Variants in ZNF573 observed in about 807,000 individuals in gnomAD.
ZNF573 encodes the protein zinc finger protein 573.
In ZNF573, 41 loss-of-function variants were observed where a neutral mutation model predicts 57.4. The ratio of observed to expected loss-of-function variants is 0.71; its 90% CI spans 0.56 to 0.93. The LOEUF is 0.93. Ranked by LOEUF, ZNF573 falls within the 40% of genes least tolerant of loss-of-function variation. ZNF573 has a pLI of 0.00. For missense variants in ZNF573, 730 were observed against 794.8 expected (o/e 0.92, Z 0.98); for synonymous variants, 249 against 261.0 (o/e 0.95, Z 0.44).
intron 3 of ZNF573, 164 bp from the exon 4 acceptor site, chr19:37,770,261 C>T: frequency 1.7e-6 from 1 of 580,628 alleles, no homozygotes; most frequent in Non-Finnish European, 3.0e-6. Context: ...TTAATGTAAA[C>T]TCATACACGC....
chr19:37,774,572 T>C (rs2045690614), intron 1 of ZNF573, among the ~76,000 whole-genome samples: 1 of 152,142 alleles, frequency 6.6e-6, no homozygotes, highest in East Asian at 1.9e-4. Flanking sequence ...AAATACAAAA[T>C]ATACATGTAA....
At chr19:37,755,012 C>T (rs2045474039) in intron 4 of ZNF573, among the ~76,000 whole-genome samples, 1 of 152,066 alleles carries the variant, frequency 6.6e-6, no homozygotes, top group Admixed American at 6.5e-5. Flanking sequence ...CTCTGTCTCC[C>T]AGGCTGGAGT....
chr19:37,764,956 A>C (rs1244776296), intron 4 of ZNF573, among the ~76,000 whole-genome samples: 1 of 128,052 alleles, frequency 7.8e-6, no homozygotes, highest in Non-Finnish European at 1.5e-5. Context: ...CCTAGGCTGG[A>C]GTGCAGTGGC....
At chr19:37,777,807 G>A (rs1274375715) in intron 1 of ZNF573, among the ~76,000 whole-genome samples, 3 of 150,740 alleles carry the variant, frequency 2.0e-5, no homozygotes, top group Non-Finnish European at 4.4e-5. Context: ...AGGCCGAGGC[G>A]GGCAGATCAC....
intron 1 of ZNF573, among the ~76,000 whole-genome samples, chr19:37,776,249 C>T (rs1568425832): frequency 6.6e-6 from 1 of 152,038 alleles, no homozygotes; most frequent in African/African-American, 2.4e-5. Context: ...ACAAGACAAT[C>T]GTTACCAAAA....
chr19:37,753,372 T>C (rs1371967296), intron 4 of ZNF573, among the ~76,000 whole-genome samples: 1 of 152,118 alleles, frequency 6.6e-6, no homozygotes, highest in Non-Finnish European at 1.5e-5. Context: ...CTACAAAAAA[T>C]CCAATTATAT....
intron 4 of ZNF573, among the ~76,000 whole-genome samples, chr19:37,767,662 C>T (rs1471139531): frequency 6.6e-6 from 1 of 152,148 alleles, no homozygotes; most frequent in Non-Finnish European, 1.5e-5. Context: ...GTGCAGTGAG[C>T]AGTATAAGCT....
chr19:37,770,212 A>G (rs2045642336), intron 3 of ZNF573, 115 bp from the exon 4 acceptor site: 2 of 782,792 alleles, frequency 2.6e-6, no homozygotes, highest in African/African-American at 1.8e-5. Context: ...GAGGGGTGAG[A>G]TGATTGAAGA....
At chr19:37,776,789 A>G (rs1229433627) in intron 1 of ZNF573, among the ~76,000 whole-genome samples, 1 of 152,186 alleles carries the variant, frequency 6.6e-6, no homozygotes, top group Non-Finnish European at 1.5e-5. Flanking sequence ...AATCAGCAAG[A>G]AAAAAACAAA....
At chr19:37,755,606 C>A (rs191100568) in intron 4 of ZNF573, among the ~76,000 whole-genome samples, 2 of 151,980 alleles carry the variant, frequency 1.3e-5, no homozygotes, top group African/African-American at 4.8e-5. Flanking sequence ...ACTGTGTAAA[C>A]ATTATATAAC....
intron 4 of ZNF573, among the ~76,000 whole-genome samples, chr19:37,765,948 G>T (rs1005044693): frequency 5.9e-5 from 9 of 151,800 alleles, no homozygotes; most frequent in African/African-American, 2.2e-4. Context: ...GCTGAGGCAG[G>T]AGAATGGCTT....
At chr19:37,740,685 T>G (rs1160608343) in intron 4 of ZNF573, 4 of 437,300 alleles carry the variant, frequency 9.1e-6, no homozygotes, top group African/African-American at 8.2e-5. Context: ...CTTCCTATTC[T>G]CTATCATAGT....
chr19:37,739,800 G>A lies in ZNF573; in HGVS notation c.690C>T (p.Ala230=), dbSNP rs763830862. The A allele has an allele frequency of 6.2e-7, 1 of 1,613,636 alleles. No individual in the cohort carries two copies. Among genetic ancestry groups the A allele is most frequent in the South Asian group, 1.1e-5 (1 of 91,048 alleles). ...CRQCGKAFIY[A]SHIVQHERIH... Reference sequence around the variant, plus strand: ...TTCTCTCATGTTGAACAATGTGTGAGGCATATATAAAGGCCTTCCCACACT... The same window carrying A: ...TTCTCTCATGTTGAACAATGTGTGAAGCATATATAAAGGCCTTCCCACACT... Residue 230 remains alanine, a synonymous_variant, in exon 5 of 5, where the codon GCC becomes GCT. Transcript: ENST00000536220.
intron 4 of ZNF573, among the ~76,000 whole-genome samples, chr19:37,763,065 G>A (rs1018187363): frequency 6.6e-6 from 1 of 151,302 alleles, no homozygotes; most frequent in Middle Eastern, 3.2e-3. Context: ...GAGCCACCGC[G>A]CCCAGCCAAA....
At chr19:37,769,668 A>C (rs1247232587) in intron 4 of ZNF573, among the ~76,000 whole-genome samples, 1 of 149,828 alleles carries the variant, frequency 6.7e-6, no homozygotes, top group Non-Finnish European at 1.5e-5. Flanking sequence ...GGAGGTTGCA[A>C]TAAGCGGAGA....
At position 37,773,574 on chromosome 19, in the gene ZNF573, T is replaced by C. The variant is rs988459725; in HGVS notation, c.69+87A>G. 3.8e-6 allele frequency: 4 copies of C among 1,048,336 alleles called. No individual in the cohort carries two copies. In the African/African-American group the frequency reaches 4.8e-5, roughly 13 times the overall value. The allele number at this position is 1,048,336 out of a possible 1,614,324, so 64.9% of individuals were successfully genotyped here. A position where few individuals can be genotyped will look rare whatever the true frequency, so the allele number is the denominator to read the frequency against. ...TGGGGACAGATAACTGAAGGAGGCC[T>C]TCTTAAATAGGAAGCCTTAGGTTAA... On this transcript the variant is annotated intron_variant, in intron 2 of 4. Transcript: ENST00000536220.
chr19:37,745,651 C>T (rs1362276223), intron 4 of ZNF573, among the ~76,000 whole-genome samples: 1 of 152,150 alleles, frequency 6.6e-6, no homozygotes, highest in Non-Finnish European at 1.5e-5. Flanking sequence ...CCGCTTCAGC[C>T]TCCCAAAGTG....
chr19:37,752,324 T>A (rs931173885), intron 4 of ZNF573, among the ~76,000 whole-genome samples: 3 of 152,042 alleles, frequency 2.0e-5, no homozygotes, highest in Non-Finnish European at 4.4e-5. Flanking sequence ...TAGAAGTAAA[T>A]CGTCATGAAC....
intron 4 of ZNF573, among the ~76,000 whole-genome samples, chr19:37,766,033 T>G (rs1389386269): frequency 6.6e-6 from 1 of 151,028 alleles, no homozygotes; most frequent in Admixed American, 6.6e-5. Flanking sequence ...AGAGCAAAAC[T>G]CCATCTCAAA....
Sources: gnomAD v4.1 joint callset for allele counts (sites outside exome capture counted in the v4.1 genomes callset) on GRCh38, gnomAD v4.1.1 for gene constraint, MANE v1.5 for transcripts, NCBI Gene and HGNC (gene_info 2026-07-23, HGNC 2026-07-21) for gene names.